Variants in AUH observed in about 807,000 individuals in gnomAD.
AUH encodes the protein methylglutaconyl-CoA hydratase, mitochondrial.
A neutral mutation model predicts 42.3 loss-of-function variants in AUH; 29 were observed. The observed-to-expected ratio is 0.69, with a 90% confidence interval of 0.51 to 0.93. AUH has a LOEUF of 0.93. Ranked by LOEUF, AUH falls within the 40% of genes least tolerant of loss-of-function variation. AUH has a pLI of 0.00. For missense variants in AUH, 452 were observed against 438.1 expected, an observed-to-expected ratio of 1.03 and a Z score of -0.28; for synonymous variants, 174 against 166.4, an observed-to-expected ratio of 1.05 and a Z score of -0.35.
intron 6 of AUH, among the ~76,000 whole-genome samples, chr9:91,258,988 T>C (rs1829558434): frequency 6.6e-6 from 1 of 152,222 alleles, no homozygotes; most frequent in African/African-American, 2.4e-5. Flanking sequence ...TATATATCTT[T>C]CATTAACTAT....
intron 4 of AUH, among the ~76,000 whole-genome samples, chr9:91,321,471 C>T (rs1256187666): frequency 6.6e-6 from 1 of 152,054 alleles, no homozygotes; most frequent in Non-Finnish European, 1.5e-5. Flanking sequence ...TTTAAACTCC[C>T]TATCAAAGCG....
intron 6 of AUH, among the ~76,000 whole-genome samples, chr9:91,274,470 T>C (rs984959698): frequency 6.6e-6 from 1 of 152,230 alleles, no homozygotes; most frequent in Admixed American, 6.5e-5. Flanking sequence ...GTTCTTAATA[T>C]ACTTGAATTA....
At chr9:91,340,278 C>G (rs1030051064) in intron 3 of AUH, among the ~76,000 whole-genome samples, 21 of 151,954 alleles carry the variant, frequency 1.4e-4, no homozygotes, top group African/African-American at 4.8e-4. Context: ...TCCTATCTGT[C>G]ACAAAACAAA....
intron 6 of AUH, among the ~76,000 whole-genome samples, chr9:91,236,466 A>G (rs1352364460): frequency 1.3e-5 from 2 of 152,220 alleles, no homozygotes; most frequent in Non-Finnish European, 2.9e-5. Context: ...CATTTGTAAG[A>G]AAGTGATTAT....
At chr9:91,280,032 T>C (rs1444684589) in intron 6 of AUH, among the ~76,000 whole-genome samples, 1 of 152,166 alleles carries the variant, frequency 6.6e-6, no homozygotes, top group Non-Finnish European at 1.5e-5. Context: ...ATCTCTCTGA[T>C]GGTAAGTCCA....
chr9:91,351,300 C>T (rs974158102), intron 3 of AUH, among the ~76,000 whole-genome samples: 1 of 152,110 alleles, frequency 6.6e-6, no homozygotes, highest in Non-Finnish European at 1.5e-5. Context: ...GTTTACACAG[C>T]TACAGTAATA....
chr9:91,340,048 C>A (rs932195528), intron 3 of AUH, among the ~76,000 whole-genome samples: 16 of 152,050 alleles, frequency 1.1e-4, no homozygotes, highest in African/African-American at 3.9e-4. Flanking sequence ...AGTAAACTCC[C>A]AATTCATAGA....
chr9:91,318,712 T>C (rs572488852), intron 4 of AUH, among the ~76,000 whole-genome samples: 6 of 152,358 alleles, frequency 3.9e-5, no homozygotes, highest in African/African-American at 1.2e-4. Flanking sequence ...CTTCACCAGA[T>C]GGAACAATAA....
chr9:91,255,374 T>C (rs1439389788), intron 6 of AUH, among the ~76,000 whole-genome samples: 2 of 152,268 alleles, frequency 1.3e-5, no homozygotes, highest in South Asian at 2.1e-4. Context: ...GTGGTTTCTG[T>C]TACAGTATCA....
At chr9:91,357,319 G>A (rs1184251350) in intron 1 of AUH, among the ~76,000 whole-genome samples, 2 of 152,192 alleles carry the variant, frequency 1.3e-5, no homozygotes, top group Admixed American at 6.5e-5. Flanking sequence ...ATAAAGAAAT[G>A]GAGACTTGGA....
intron 1 of AUH, among the ~76,000 whole-genome samples, chr9:91,359,956 G>A (rs1184696749): frequency 6.6e-6 from 1 of 151,652 alleles, no homozygotes; most frequent in Non-Finnish European, 1.5e-5. Flanking sequence ...AAGGAGGCGG[G>A]GTCAACTTTA....
At chr9:91,353,497 T>C (rs775704664) in intron 3 of AUH, among the ~76,000 whole-genome samples, 54 of 152,212 alleles carry the variant, frequency 3.5e-4, no homozygotes, top group Non-Finnish European at 1.8e-4. Flanking sequence ...ATGTTTATAC[T>C]AATATAGGCT....
intron 7 of AUH, chr9:91,218,557 A>C: frequency 3.2e-6 from 3 of 936,136 alleles, no homozygotes; most frequent in Non-Finnish European, 3.8e-6. Flanking sequence ...ACAAGCTGCC[A>C]GGAGATGCCC....
chr9:91,269,493 G>A (rs76693342), intron 6 of AUH, among the ~76,000 whole-genome samples: 3,899 of 152,248 alleles, frequency 0.026, 80 homozygotes, highest in East Asian at 0.059. Context: ...TAGATTGAAA[G>A]ATAAACATTT....
intron 6 of AUH, among the ~76,000 whole-genome samples, chr9:91,233,418 A>C (rs1464402826): frequency 6.6e-6 from 1 of 152,168 alleles, no homozygotes; most frequent in Admixed American, 6.5e-5. Flanking sequence ...CCATGGGCCC[A>C]AAAGGACCTG....
chr9:91,295,957 T>C, intron 6 of AUH, 64 bp downstream of exon 6: 2 of 1,556,754 alleles, frequency 1.3e-6, no homozygotes, highest in Non-Finnish European at 1.8e-6. Flanking sequence ...AACATGATTT[T>C]GCCTTATGCC....
chr9:91,345,851 G>C (rs200987760), intron 3 of AUH, among the ~76,000 whole-genome samples: 4 of 102,032 alleles, frequency 3.9e-5, no homozygotes, highest in African/African-American at 1.2e-4. Flanking sequence ...AAAAAAAAAA[G>C]TACCCAGAGA....
intron 4 of AUH, among the ~76,000 whole-genome samples, chr9:91,320,171 TTA>T (rs1829460286): frequency 6.6e-6 from 1 of 152,220 alleles, no homozygotes; most frequent in Non-Finnish European, 1.5e-5. Flanking sequence ...TTCTTTTCCA[TTA>T]TAGTTTCTTC....
At chr9:91,288,916 T>A (rs184085729) in intron 6 of AUH, among the ~76,000 whole-genome samples, 75 of 152,312 alleles carry the variant, frequency 4.9e-4, no homozygotes, top group Admixed American at 1.4e-3. Context: ...AGCATTTTTT[T>A]AATTTACAAA....
Sources: gnomAD v4.1 joint callset for allele counts (sites outside exome capture counted in the v4.1 genomes callset) on GRCh38, gnomAD v4.1.1 for gene constraint, MANE v1.5 for transcripts, NCBI Gene and HGNC (gene_info 2026-07-23, HGNC 2026-07-21) for gene names.